Variants in PDE4B observed in about 807,000 individuals in gnomAD.
PDE4B encodes the protein 3',5'-cyclic-AMP phosphodiesterase 4B.
PDE4B carries 20 observed loss-of-function variants against 82.2 expected under a neutral mutation model. The observed-to-expected ratio is 0.24, with a 90% CI of 0.17 to 0.35. The LOEUF is 0.35. PDE4B is among the 10% of genes least tolerant of loss of function. The pLI is 1.00. For synonymous variants in PDE4B, 320 were observed against 318.9 expected (o/e 1.00, Z -0.04); for missense variants, 655 against 907.2 (o/e 0.72, Z 3.57).
At chr1:66,258,857 T>C (rs536455782) in intron 6 of PDE4B, among the ~76,000 whole-genome samples, 1 of 152,340 alleles carries the variant, frequency 6.6e-6, no homozygotes, top group African/African-American at 2.4e-5. Context: ...ATGTTTGCTT[T>C]TTCTTTCACT....
At chr1:66,170,686 A>T (rs1646820577) in intron 3 of PDE4B, among the ~76,000 whole-genome samples, 1 of 152,128 alleles carries the variant, frequency 6.6e-6, no homozygotes, top group African/African-American at 2.4e-5. Context: ...TATCAGAGAG[A>T]TTTAAAATAG....
intron 12 of PDE4B, among the ~76,000 whole-genome samples, chr1:66,364,400 A>C (rs1455866549): frequency 1.3e-5 from 2 of 152,216 alleles, no homozygotes; most frequent in East Asian, 1.9e-4. Flanking sequence ...CCCTTCCTTC[A>C]TAGATTAATG....
intron 7 of PDE4B, among the ~76,000 whole-genome samples, chr1:66,331,243 T>G (rs1164110823): frequency 1.3e-5 from 2 of 152,226 alleles, no homozygotes; most frequent in African/African-American, 4.8e-5. Context: ...AATGTTATAT[T>G]AGAACTCCAT....
At chr1:66,125,060 T>G (rs1191215549) in intron 3 of PDE4B, among the ~76,000 whole-genome samples, 2 of 152,084 alleles carry the variant, frequency 1.3e-5, no homozygotes, top group Non-Finnish European at 2.9e-5. Context: ...ACTATTTTTT[T>G]TTTTTTGAGA....
chr1:66,122,496 T>C (rs1645729969), intron 3 of PDE4B, among the ~76,000 whole-genome samples: 1 of 152,312 alleles, frequency 6.6e-6, no homozygotes. Context: ...TAGATCCATA[T>C]AATTTGTTAA....
intron 3 of PDE4B, among the ~76,000 whole-genome samples, chr1:66,167,426 G>C (rs899043290): frequency 6.6e-6 from 1 of 152,116 alleles, no homozygotes; most frequent in African/African-American, 2.4e-5. Context: ...TTAAGTGAAA[G>C]AACCCATGCA....
intron 3 of PDE4B, among the ~76,000 whole-genome samples, chr1:66,241,482 C>A (rs1213346906): frequency 2.0e-5 from 3 of 152,084 alleles, no homozygotes; most frequent in Non-Finnish European, 4.4e-5. Flanking sequence ...GATAGACAAG[C>A]ATTTGAAGAC....
At chr1:65,855,497 CT>C (rs1320192275) in intron 1 of PDE4B, among the ~76,000 whole-genome samples, 3 of 152,064 alleles carry the variant, frequency 2.0e-5, no homozygotes, top group African/African-American at 7.2e-5. Flanking sequence ...TTACTGATTA[CT>C]CCAAGTGGTC....
At chr1:66,219,795 A>G (rs1172399284) in intron 3 of PDE4B, among the ~76,000 whole-genome samples, 1 of 152,130 alleles carries the variant, frequency 6.6e-6, no homozygotes. Context: ...AAGAGTAGGG[A>G]TGAAAATGAG....
At chr1:65,832,501 CTG>C (rs1368543120) in intron 1 of PDE4B, among the ~76,000 whole-genome samples, 5 of 152,128 alleles carry the variant, frequency 3.3e-5, no homozygotes, top group South Asian at 2.1e-4. Context: ...GAAGGCAAGA[CTG>C]AGAGTTTTTG....
chr1:66,220,100 A>C (rs1218018343), intron 3 of PDE4B, among the ~76,000 whole-genome samples: 1 of 147,058 alleles, frequency 6.8e-6, no homozygotes, highest in African/African-American at 2.4e-5. Context: ...ATTACAGGAC[A>C]AACTAAGTAA....
intron 3 of PDE4B, among the ~76,000 whole-genome samples, chr1:66,166,280 A>G (rs1646729535): frequency 6.6e-6 from 1 of 152,266 alleles, no homozygotes; most frequent in Non-Finnish European, 1.5e-5. Flanking sequence ...AGCTAAAAGC[A>G]TAACAATCTA....
At chr1:65,818,927 C>T (rs116463757) in intron 1 of PDE4B, among the ~76,000 whole-genome samples, 2,023 of 152,074 alleles carry the variant, frequency 0.013, 44 homozygotes, top group African/African-American at 0.044. Flanking sequence ...ATAAAACACC[C>T]CCAAATTTCA....
Position 66,202,185 on chromosome 1 carries a change from A to G in PDE4B, c.282-45275A>G, listed in dbSNP as rs557727417. Among the ~76,000 whole-genome samples the G allele has an allele frequency of 1.9e-3, 282 of 151,946 alleles. 1 individual carries two copies. Among genetic ancestry groups the G allele is most frequent in the African/African-American group, 6.2e-3 (256 of 41,390 alleles). Reference sequence around the variant, plus strand: ...AGTGAGTTTCTTAATCCTGAGTTCTAGTTTGATTGCACTGTGGTCTGAGAG... The same window carrying G: ...AGTGAGTTTCTTAATCCTGAGTTCTGGTTTGATTGCACTGTGGTCTGAGAG... On this transcript the variant is annotated intron_variant, in intron 3 of 16. Coordinates refer to ENST00000341517, the MANE Select transcript of PDE4B (RefSeq NM_002600.4).
intron 3 of PDE4B, among the ~76,000 whole-genome samples, chr1:66,204,497 C>T (rs1474617706): frequency 6.6e-6 from 1 of 152,262 alleles, no homozygotes; most frequent in Non-Finnish European, 1.5e-5. Context: ...GGGCTCCACC[C>T]AGTTTGAGCT....
intron 3 of PDE4B, among the ~76,000 whole-genome samples, chr1:66,239,990 G>A (rs1652760770): frequency 6.6e-6 from 1 of 152,226 alleles, no homozygotes; most frequent in South Asian, 2.1e-4. Context: ...CAAAGAATGT[G>A]AATGATTTTT....
chr1:65,914,090 A>C (rs1647128774), intron 2 of PDE4B, among the ~76,000 whole-genome samples: 2 of 152,144 alleles, frequency 1.3e-5, no homozygotes, highest in South Asian at 4.1e-4. Flanking sequence ...ACTGTTTGTA[A>C]TTGAACTAAA....
chr1:65,827,342 A>G (rs1419117129), intron 1 of PDE4B, among the ~76,000 whole-genome samples: 2 of 152,210 alleles, frequency 1.3e-5, no homozygotes, highest in Admixed American at 1.3e-4. Flanking sequence ...TGGAACTATC[A>G]GAAAGGAAAT....
At chr1:65,916,401 A>T (rs918028736) in intron 2 of PDE4B, among the ~76,000 whole-genome samples, 1 of 152,080 alleles carries the variant, frequency 6.6e-6, no homozygotes, top group African/African-American at 2.4e-5. Context: ...GGATGGTAAT[A>T]GTTCTTTTTT....
Sources: allele counts gnomAD v4.1 joint callset (sites outside exome capture counted in the v4.1 genomes callset), GRCh38; gene constraint gnomAD v4.1.1; transcripts MANE v1.5; gene names NCBI Gene and HGNC (gene_info 2026-07-23, HGNC 2026-07-21).